The following LRP1B variants were observed in gnomAD, a reference collection of about 807,000 sequenced individuals.
LRP1B encodes the protein LDL receptor related protein 1B, also known as low-density lipoprotein receptor-related protein 1B.
Under a neutral mutation model 556.6 loss-of-function variants are expected in LRP1B, and 217 were observed. The ratio of observed to expected loss-of-function variants is 0.39; its 90% CI spans 0.35 to 0.44. The LOEUF (loss-of-function observed/expected upper bound fraction) is 0.44, where lower values mean the gene tolerates loss of function less well. LRP1B is among the 20% of genes least tolerant of loss of function. LRP1B has a pLI of 1.00. For synonymous variants in LRP1B, 2,047 were observed against 1,865.8 expected (o/e 1.10, Z -2.50); for missense variants, 5,053 against 5,620.8 (o/e 0.90, Z 3.23).
At chr2:141,984,377 G>T (rs1702126285) in intron 1 of LRP1B, among the ~76,000 whole-genome samples, 1 of 35,880 alleles carries the variant, frequency 2.8e-5, no homozygotes, top group African/African-American at 1.0e-4. Flanking sequence ...TTGATGAAAG[G>T]TATGTGTTTA....
intron 7 of LRP1B, among the ~76,000 whole-genome samples, chr2:141,148,135 A>G (rs1040462908): frequency 2.0e-5 from 3 of 152,156 alleles, no homozygotes; most frequent in African/African-American, 7.2e-5. Flanking sequence ...GGCAATATCC[A>G]TTCAGGAATA....
chr2:140,652,456 G>T lies in LRP1B; in HGVS notation c.6799+47794C>A, dbSNP rs562677830. Reference sequence around the variant, plus strand: ...AAAGCATATTATCAGAAAAATTAGGGAGAATACCCATTTTTAGACATATTC... The same window carrying T: ...AAAGCATATTATCAGAAAAATTAGGTAGAATACCCATTTTTAGACATATTC... On this transcript the variant is annotated intron_variant, in intron 41 of 90. Coordinates refer to ENST00000389484, the MANE Select transcript of LRP1B (RefSeq NM_018557.3). Among the ~76,000 whole-genome samples the T allele has an allele frequency of 2.6e-5, 4 of 152,054 alleles. No individual in the cohort carries two copies. The South Asian group carries it at 8.3e-4, about 32-fold the overall frequency.
At chr2:141,134,354 T>A (rs548758341) in intron 7 of LRP1B, among the ~76,000 whole-genome samples, 1 of 152,044 alleles carries the variant, frequency 6.6e-6, no homozygotes, top group African/African-American at 2.4e-5. Context: ...AGTCTTTGAT[T>A]ACATCTCCCA....
intron 3 of LRP1B, among the ~76,000 whole-genome samples, chr2:141,447,117 T>C (rs1473261174): frequency 6.6e-6 from 1 of 152,054 alleles, no homozygotes; most frequent in Non-Finnish European, 1.5e-5. Flanking sequence ...TTCCTTTTCA[T>C]TCTTTTTTCT....
intron 15 of LRP1B, among the ~76,000 whole-genome samples, chr2:141,004,733 G>A (rs1175166025): frequency 6.6e-6 from 1 of 152,048 alleles, no homozygotes; most frequent in African/African-American, 2.4e-5. Flanking sequence ...AGATAGCATT[G>A]TTGGTGTTAT....
At chr2:142,072,475 C>A (rs9630925) in intron 1 of LRP1B, among the ~76,000 whole-genome samples, 12,389 of 152,074 alleles carry the variant, frequency 0.081, 556 homozygotes, top group Non-Finnish European at 0.093. Flanking sequence ...CCTAACCCCT[C>A]AAATCTTAGA....
chr2:141,000,539 C>G (rs924290302), intron 15 of LRP1B, among the ~76,000 whole-genome samples: 1 of 152,008 alleles, frequency 6.6e-6, no homozygotes, highest in African/African-American at 2.4e-5. Context: ...AGGCTTCTCT[C>G]CTCAGGGACT....
At chr2:140,893,394 G>A (rs562578088) in intron 23 of LRP1B, among the ~76,000 whole-genome samples, 96 of 152,322 alleles carry the variant, frequency 6.3e-4, no homozygotes, top group African/African-American at 2.2e-3. Flanking sequence ...AGGCATCATA[G>A]GAATGTGTGG....
chr2:140,304,915 C>A (rs1023380309), intron 83 of LRP1B, among the ~76,000 whole-genome samples: 3 of 152,090 alleles, frequency 2.0e-5, no homozygotes, highest in East Asian at 1.9e-4. Flanking sequence ...AATAGGGAAT[C>A]CTTTCCCCAT....
chr2:140,543,374 G>T (rs969581152), intron 43 of LRP1B, among the ~76,000 whole-genome samples: 3 of 151,618 alleles, frequency 2.0e-5, no homozygotes, highest in Non-Finnish European at 2.9e-5. Flanking sequence ...TAAAAACTGG[G>T]TTTTTTTATG....
intron 35 of LRP1B, among the ~76,000 whole-genome samples, chr2:140,766,339 C>T (rs1022575521): frequency 1.3e-5 from 2 of 151,998 alleles, no homozygotes; most frequent in Admixed American, 1.3e-4. Flanking sequence ...GCTTGTATAT[C>T]ACCACTATAA....
At chr2:141,029,672 G>A (rs115486425) in intron 11 of LRP1B, among the ~76,000 whole-genome samples, 1 of 152,086 alleles carries the variant, frequency 6.6e-6, no homozygotes, top group East Asian at 1.9e-4. Flanking sequence ...CGCTCCCTGA[G>A]ACTCCCGGGC....
At chr2:140,492,535 G>C in intron 57 of LRP1B, 73 bp downstream of exon 57, 1 of 900,642 alleles carries the variant, frequency 1.1e-6, no homozygotes. Context: ...CTAATTGCCA[G>C]GTAGTTCTAC....
At chr2:141,158,974 G>A (rs953950769) in intron 7 of LRP1B, among the ~76,000 whole-genome samples, 7 of 152,018 alleles carry the variant, frequency 4.6e-5, no homozygotes, top group Non-Finnish European at 8.8e-5. Flanking sequence ...CTCCATGTTC[G>A]TCATAAGATT....
At chr2:140,268,804 G>C (rs2104941055) in intron 86 of LRP1B, among the ~76,000 whole-genome samples, 1 of 151,646 alleles carries the variant, frequency 6.6e-6, no homozygotes, top group Admixed American at 6.6e-5. Flanking sequence ...TGTAAAAAAG[G>C]TCTTACTCTA....
intron 13 of LRP1B, among the ~76,000 whole-genome samples, chr2:141,014,146 T>C (rs1168050769): frequency 3.9e-5 from 6 of 152,076 alleles, no homozygotes; most frequent in Non-Finnish European, 2.9e-5. Flanking sequence ...TCATGTGTAT[T>C]ACAAAATTGC....
At chr2:141,366,093 AT>A (rs1323820802) in intron 3 of LRP1B, among the ~76,000 whole-genome samples, 1 of 152,114 alleles carries the variant, frequency 6.6e-6, no homozygotes, top group Non-Finnish European at 1.5e-5. Context: ...TTCTGCTCTT[AT>A]TTCTTTGTGT....
At chr2:141,798,818 T>C (rs1231011144) in intron 2 of LRP1B, among the ~76,000 whole-genome samples, 1 of 151,876 alleles carries the variant, frequency 6.6e-6, no homozygotes, top group Non-Finnish European at 1.5e-5. Context: ...TAAACTTCAG[T>C]ACCTCAGAAT....
At chr2:142,034,509 G>A (rs1215912266) in intron 1 of LRP1B, among the ~76,000 whole-genome samples, 2 of 151,542 alleles carry the variant, frequency 1.3e-5, no homozygotes, top group African/African-American at 4.8e-5. Flanking sequence ...CCTCTGTAAA[G>A]AGCTTTGGGA....
Sources: allele counts gnomAD v4.1 joint callset (sites outside exome capture counted in the v4.1 genomes callset), GRCh38; gene constraint gnomAD v4.1.1; transcripts MANE v1.5; gene names NCBI Gene and HGNC (gene_info 2026-07-23, HGNC 2026-07-21).